Variants in GRID2 observed in about 807,000 individuals in gnomAD.
GRID2 encodes the protein glutamate ionotropic receptor delta type subunit 2, also known as glutamate receptor ionotropic, delta-2.
In GRID2, 33 loss-of-function variants were observed where a neutral mutation model predicts 114.8. The ratio of observed to expected loss-of-function variants is 0.29; its 90% CI spans 0.22 to 0.38. The LOEUF is 0.38. GRID2 is among the 10% of genes least tolerant of loss of function. GRID2 has a pLI of 1.00. For synonymous variants in GRID2, 505 were observed against 449.9 expected (o/e 1.12, Z -1.55); for missense variants, 1,184 against 1,257.7 (o/e 0.94, Z 0.89).
At chr4:92,607,293 A>T (rs1729506876) in intron 2 of GRID2, among the ~76,000 whole-genome samples, 1 of 152,030 alleles carries the variant, frequency 6.6e-6, no homozygotes, top group Non-Finnish European at 1.5e-5. Flanking sequence ...CTGAAGTTAT[A>T]TATTTAAAAT....
intron 4 of GRID2, among the ~76,000 whole-genome samples, chr4:93,135,791 T>A (rs1735189897): frequency 6.6e-6 from 1 of 152,214 alleles, no homozygotes; most frequent in Non-Finnish European, 1.5e-5. Flanking sequence ...AGTTACCTTA[T>A]CAATTTTAGG....
In GRID2 at chr4:92,944,184, A is replaced by T. The variant is rs574231601; in HGVS notation, c.245-140811A>T. On this transcript the variant is annotated intron_variant, in intron 2 of 15. Coordinates refer to ENST00000282020, the MANE Select transcript of GRID2 (RefSeq NM_001510.4). Reference sequence around the variant, plus strand: ...GGCTATGCCCTGCCCCCAGATGTGGAGTCTACAGAGGCAGGCAGGCCTCCT... The same window carrying T: ...GGCTATGCCCTGCCCCCAGATGTGGTGTCTACAGAGGCAGGCAGGCCTCCT... Among the ~76,000 whole-genome samples, 6 of 152,300 alleles carry T rather than the reference A, an allele frequency of 3.9e-5. No individual in the cohort carries two copies. In the East Asian group the frequency reaches 1.2e-3, roughly 30 times the overall value.
chr4:92,660,006 T>C (rs1732445193), intron 2 of GRID2, among the ~76,000 whole-genome samples: 1 of 151,470 alleles, frequency 6.6e-6, no homozygotes, highest in South Asian at 2.1e-4. Flanking sequence ...TTTCCGAAAT[T>C]TTGTAACAGC....
chr4:92,486,604 A>G (rs1362455972), intron 1 of GRID2, among the ~76,000 whole-genome samples: 2 of 149,814 alleles, frequency 1.3e-5, no homozygotes, highest in Non-Finnish European at 3.0e-5. Context: ...CACAGATAAT[A>G]TAGTAGGAAT....
Position 93,531,552 on chromosome 4 carries a change from G to C in GRID2, c.2193+16141G>C, listed in dbSNP as rs529079897. 1.3e-3 allele frequency among the ~76,000 whole-genome samples: 194 copies of C among 151,182 alleles called. 2 individuals are homozygous for C. Among genetic ancestry groups the C allele is most frequent in the Non-Finnish European group, 1.5e-3 (103 of 67,986 alleles). On this transcript the variant is annotated intron_variant, in intron 13 of 15. Coordinates refer to ENST00000282020, the MANE Select transcript of GRID2 (RefSeq NM_001510.4). The stretch of plus-strand genomic sequence containing the variant: ...GGGAAGAAAAAAGGAAGGAAAAATA[G>C]ATAAGATGAAAGGCATGAAGGGAGA...
chr4:93,145,955 C>T (rs1430515283), intron 4 of GRID2, among the ~76,000 whole-genome samples: 2 of 151,904 alleles, frequency 1.3e-5, no homozygotes, highest in Non-Finnish European at 2.9e-5. Context: ...GTTTTTGCCC[C>T]TCCTCTTTTC....
intron 14 of GRID2, among the ~76,000 whole-genome samples, chr4:93,705,083 T>G (rs927263677): frequency 6.6e-6 from 1 of 152,194 alleles, no homozygotes; most frequent in Non-Finnish European, 1.5e-5. Flanking sequence ...TGTACAAAGA[T>G]TCCTTTTGCT....
At chr4:93,450,203 G>C (rs994290349) in intron 10 of GRID2, among the ~76,000 whole-genome samples, 1 of 151,794 alleles carries the variant, frequency 6.6e-6, no homozygotes. Context: ...TTTGGAAAAA[G>C]TTTGAAAGCT....
intron 1 of GRID2, among the ~76,000 whole-genome samples, chr4:92,402,318 T>C (rs1032149036): frequency 2.6e-5 from 4 of 152,176 alleles, no homozygotes; most frequent in African/African-American, 9.6e-5. Context: ...AACACACGTT[T>C]TTATTGGTAT....
chr4:92,590,183 G>C lies in GRID2; in HGVS notation c.141G>C (p.Ala47=). The change falls in exon 2 of 16, where the codon GCG becomes GCC. Residue 47 remains alanine (A), a synonymous_variant. Coordinates refer to ENST00000282020, the MANE Select transcript of GRID2 (RefSeq NM_001510.4). ...AGGATGATGAGGTATTTCGCACTGCGGTTGGTGACCTTAACCAGAATGAGG... is the reference window on the plus strand; with the variant it reads ...AGGATGATGAGGTATTTCGCACTGCCGTTGGTGACCTTAACCAGAATGAGG... ...AKKDDEVFRT[A]VGDLNQNEEI... The C allele has an allele frequency of 6.2e-7, 1 of 1,611,886 alleles. No individual in the cohort carries two copies. The highest frequency in any genetic ancestry group is 8.5e-7 in the Non-Finnish European group (1 of 1,178,108).
chr4:92,646,127 G>A (rs1235943501), intron 2 of GRID2, among the ~76,000 whole-genome samples: 1 of 28,316 alleles, frequency 3.5e-5, no homozygotes, highest in Non-Finnish European at 9.5e-5. Context: ...TTTCGTAATG[G>A]AACGTTTGGG....
At chr4:92,445,745 G>C (rs970796449) in intron 1 of GRID2, among the ~76,000 whole-genome samples, 2 of 152,090 alleles carry the variant, frequency 1.3e-5, no homozygotes, top group African/African-American at 4.8e-5. Flanking sequence ...TTCTATCTTA[G>C]GTAGGCTGCA....
intron 10 of GRID2, among the ~76,000 whole-genome samples, chr4:93,428,719 A>G (rs2149376785): frequency 6.6e-6 from 1 of 152,352 alleles, no homozygotes; most frequent in Non-Finnish European, 1.5e-5. Flanking sequence ...CATGAGGTCA[A>G]ATCACTATGA....
chr4:93,043,182 T>A (rs1725769258), intron 2 of GRID2, among the ~76,000 whole-genome samples: 1 of 152,152 alleles, frequency 6.6e-6, no homozygotes, highest in South Asian at 2.1e-4. Flanking sequence ...GAATTATGGA[T>A]TTAGCAATTA....
At chr4:93,121,566 A>AT (rs987002202) in intron 4 of GRID2, among the ~76,000 whole-genome samples, 5 of 152,046 alleles carry the variant, frequency 3.3e-5, no homozygotes, top group African/African-American at 7.2e-5. Flanking sequence ...TCTGTTGATG[A>AT]TTTTTTTACA....
chr4:92,554,703 T>G (rs912401166), intron 1 of GRID2, among the ~76,000 whole-genome samples: 16 of 152,208 alleles, frequency 1.1e-4, no homozygotes, highest in African/African-American at 3.9e-4. Context: ...AAGAGATTAT[T>G]ATGAAAGTAG....
At chr4:93,760,927 G>T (rs1287170473) in intron 14 of GRID2, among the ~76,000 whole-genome samples, 1 of 152,056 alleles carries the variant, frequency 6.6e-6, no homozygotes, top group Non-Finnish European at 1.5e-5. Context: ...ACCCTCAGAA[G>T]ACAAATACTA....
chr4:93,296,466 T>C (rs1754324851), intron 8 of GRID2, among the ~76,000 whole-genome samples: 1 of 152,120 alleles, frequency 6.6e-6, no homozygotes, highest in South Asian at 2.1e-4. Flanking sequence ...CTGAAGTGGA[T>C]CCAGGAAAGG....
intron 2 of GRID2, among the ~76,000 whole-genome samples, chr4:92,926,407 C>T (rs1333665732): frequency 6.6e-6 from 1 of 151,856 alleles, no homozygotes; most frequent in Non-Finnish European, 1.5e-5. Flanking sequence ...AAGAGTGACC[C>T]ATTACATACA....
Sources: gnomAD v4.1 joint callset for allele counts (sites outside exome capture counted in the v4.1 genomes callset) on GRCh38, gnomAD v4.1.1 for gene constraint, MANE v1.5 for transcripts, NCBI Gene and HGNC (gene_info 2026-07-23, HGNC 2026-07-21) for gene names.